Variants in PEX5L observed in about 807,000 individuals in gnomAD.
PEX5L encodes the protein PEX5-related protein.
A neutral mutation model predicts 84.0 loss-of-function variants in PEX5L; 30 were observed. The observed-to-expected ratio is 0.36, with a 90% CI of 0.27 to 0.48. The LOEUF (loss-of-function observed/expected upper bound fraction) is 0.48, where lower values mean the gene tolerates loss of function less well. Among genes scored for constraint, PEX5L ranks in the 20% least tolerant of loss-of-function variants. PEX5L has a pLI of 0.99. For synonymous variants in PEX5L, 270 were observed against 283.1 expected (o/e 0.95, Z 0.46); for missense variants, 533 against 754.6 (o/e 0.71, Z 3.44).
At chr3:179,937,241 A>T (rs1422589188) in intron 2 of PEX5L, among the ~76,000 whole-genome samples, 1 of 152,330 alleles carries the variant, frequency 6.6e-6, no homozygotes, top group East Asian at 1.9e-4. Context: ...AAATCCAAAC[A>T]AAGTGTGGAG....
intron 8 of PEX5L, among the ~76,000 whole-genome samples, chr3:179,858,839 G>A (rs1280434309): frequency 1.3e-5 from 2 of 152,152 alleles, no homozygotes; most frequent in Non-Finnish European, 2.9e-5. Context: ...GGCATAAGAG[G>A]TAATATATAT....
At chr3:179,953,739 AGT>A (rs1223029041) in intron 2 of PEX5L, among the ~76,000 whole-genome samples, 2 of 152,190 alleles carry the variant, frequency 1.3e-5, no homozygotes, top group African/African-American at 4.8e-5. Flanking sequence ...GAAATGGAGT[AGT>A]GATGTTAGAT....
chr3:180,035,470 T>C (rs1791821652), intron 1 of PEX5L, among the ~76,000 whole-genome samples: 1 of 152,228 alleles, frequency 6.6e-6, no homozygotes, highest in African/African-American at 2.4e-5. Context: ...ATTCTGGCAC[T>C]GTATATTGAG....
chr3:180,002,307 G>C (rs906992197), intron 1 of PEX5L, among the ~76,000 whole-genome samples: 1 of 152,048 alleles, frequency 6.6e-6, no homozygotes, highest in Non-Finnish European at 1.5e-5. Flanking sequence ...ATTGTTTTAC[G>C]ATGTTGCCAG....
rs944651172 is a variant in PEX5L, at chr3:179,961,223, G to A, written c.93+10371C>T. On this transcript the variant is annotated intron_variant, in intron 2 of 14. Coordinates refer to ENST00000467460, the MANE Select transcript of PEX5L (RefSeq NM_016559.3). Reference sequence around the variant, plus strand: ...TGTATGTGTGTGTGTGTGTGTGTGTGTGTGTGTTTCCTAGATCACAAGACA... The same window carrying A: ...TGTATGTGTGTGTGTGTGTGTGTGTATGTGTGTTTCCTAGATCACAAGACA... Among the ~76,000 whole-genome samples, 3 of 151,784 alleles carry A rather than the reference G, an allele frequency of 2.0e-5. No homozygotes were observed. In the East Asian group the frequency reaches 5.8e-4, roughly 29 times the overall value.
At chr3:179,885,019 T>TA (rs11423170) in intron 4 of PEX5L, among the ~76,000 whole-genome samples, 137,568 of 152,016 alleles carry the variant, frequency 0.9, 62,304 homozygotes, top group South Asian at 0.97. Flanking sequence ...TCTTACGAAT[T>TA]AAAAATATAT....
chr3:179,963,582 T>C (rs1254358101), intron 2 of PEX5L, among the ~76,000 whole-genome samples: 1 of 152,206 alleles, frequency 6.6e-6, no homozygotes, highest in Non-Finnish European at 1.5e-5. Flanking sequence ...AGTCATAAAC[T>C]GGACCCCATG....
intron 2 of PEX5L, among the ~76,000 whole-genome samples, chr3:179,901,652 A>AG (rs1422495503): frequency 2.0e-5 from 3 of 152,228 alleles, no homozygotes; most frequent in Admixed American, 2.0e-4. Context: ...GACTGGAAAA[A>AG]CAATAACAAC....
intron 8 of PEX5L, among the ~76,000 whole-genome samples, chr3:179,832,287 T>A (rs926927696): frequency 2.0e-5 from 3 of 151,910 alleles, no homozygotes; most frequent in African/African-American, 7.3e-5. Flanking sequence ...GCCTTCTCAC[T>A]TGGGTGATCC....
At chr3:180,030,251 G>A (rs184933521) in intron 1 of PEX5L, among the ~76,000 whole-genome samples, 3 of 152,266 alleles carry the variant, frequency 2.0e-5, no homozygotes, top group East Asian at 1.9e-4. Flanking sequence ...AAGGCATAAT[G>A]TCTTGGAATA....
At chr3:180,033,126 T>A (rs1791605654) in intron 1 of PEX5L, among the ~76,000 whole-genome samples, 1 of 152,214 alleles carries the variant, frequency 6.6e-6, no homozygotes, top group Admixed American at 6.5e-5. Flanking sequence ...TTTGTAGAGA[T>A]TTTAAGAAAA....
At chr3:179,869,005 A>C (rs1177908034) in intron 7 of PEX5L, among the ~76,000 whole-genome samples, 1 of 152,156 alleles carries the variant, frequency 6.6e-6, no homozygotes, top group Non-Finnish European at 1.5e-5. Context: ...TAGGGGGACC[A>C]AGGGCTTTGG....
chr3:179,799,594 A>G lies in PEX5L; in HGVS notation c.*2234T>C, dbSNP rs981700870. ...GCTGCTCAAAGTATAGAATGGCATC[A>G]CAGAACACTTACAAAGTTTGCTTTG... On this transcript the variant is annotated 3_prime_UTR_variant, in exon 15 of 15. Coordinates refer to ENST00000467460, the MANE Select transcript of PEX5L (RefSeq NM_016559.3). 1.3e-5 allele frequency: 2 copies of G among 152,258 alleles called. No individual in the cohort carries two copies. The highest frequency in any genetic ancestry group is 2.9e-5 in the Non-Finnish European group (2 of 68,054). 9.4% of individuals were successfully genotyped at this position (152,258 alleles called of 1,614,324 possible). A position where few individuals can be genotyped will look rare whatever the true frequency, so the allele number is the denominator to read the frequency against.
chr3:180,001,134 C>A (rs949381520), intron 1 of PEX5L, among the ~76,000 whole-genome samples: 1 of 152,026 alleles, frequency 6.6e-6, no homozygotes, highest in East Asian at 1.9e-4. Context: ...TGTGAAAAGA[C>A]TAGACTGGCC....
At chr3:180,005,982 T>C (rs1788852669) in intron 1 of PEX5L, among the ~76,000 whole-genome samples, 1 of 152,224 alleles carries the variant, frequency 6.6e-6, no homozygotes, top group Non-Finnish European at 1.5e-5. Context: ...CATTAGAACA[T>C]CCATTTTTAC....
intron 2 of PEX5L, among the ~76,000 whole-genome samples, chr3:179,934,725 CCTT>C (rs1774117208): frequency 6.6e-6 from 1 of 152,072 alleles, no homozygotes; most frequent in South Asian, 2.1e-4. Flanking sequence ...TTATTACTCT[CCTT>C]GTTTGGGTTT....
intron 8 of PEX5L, among the ~76,000 whole-genome samples, chr3:179,840,090 TC>T (rs1254679531): frequency 6.6e-6 from 1 of 151,062 alleles, no homozygotes; most frequent in Non-Finnish European, 1.5e-5. Context: ...CCAGATCAGG[TC>T]CCATGGGCCA....
chr3:179,992,864 A>C (rs900011478), intron 1 of PEX5L, among the ~76,000 whole-genome samples: 2 of 149,698 alleles, frequency 1.3e-5, no homozygotes, highest in African/African-American at 5.0e-5. Context: ...GGTTCTTTGC[A>C]TGTATGTATG....
At chr3:179,986,397 A>ATTTTT (rs11344304) in intron 1 of PEX5L, among the ~76,000 whole-genome samples, 2 of 111,082 alleles carry the variant, frequency 1.8e-5, no homozygotes, top group Non-Finnish European at 3.4e-5. Context: ...CCATTTAGTA[A>ATTTTT]TTTTTTTTTT....
Sources: allele counts gnomAD v4.1 joint callset (sites outside exome capture counted in the v4.1 genomes callset), GRCh38; gene constraint gnomAD v4.1.1; transcripts MANE v1.5; gene names NCBI Gene and HGNC (gene_info 2026-07-23, HGNC 2026-07-21).